SWT1: variants seen among roughly 807,000 people sequenced by gnomAD.
The protein encoded by SWT1 is SWT1 RNA endoribonuclease homolog.
A neutral mutation model predicts 107.3 loss-of-function variants in SWT1; 33 were observed. The ratio of observed to expected loss-of-function variants is 0.31; its 90% confidence interval spans 0.23 to 0.41. The LOEUF is 0.41. SWT1 is among the 10% of genes least tolerant of loss of function. SWT1 has a pLI of 1.00. For synonymous variants in SWT1, 345 were observed against 348.3 expected (o/e 0.99, Z 0.11); for missense variants, 898 against 1,028.9 (o/e 0.87, Z 1.74).
chr1:185,227,753 C>G (rs1239486464), intron 15 of SWT1: 1 of 445,364 alleles, frequency 2.2e-6, no homozygotes, highest in African/African-American at 2.1e-5. Flanking sequence ...GCAGGCCCAG[C>G]AGCTCTAGCG....
intron 15 of SWT1, among the ~76,000 whole-genome samples, chr1:185,231,370 G>A (rs1660494238): frequency 6.6e-6 from 1 of 152,110 alleles, no homozygotes; most frequent in South Asian, 2.1e-4. Flanking sequence ...GATTAGACCT[G>A]TATAGTGTCT....
chr1:185,256,744 G>A (rs903795555), intron 16 of SWT1, among the ~76,000 whole-genome samples: 13 of 151,666 alleles, frequency 8.6e-5, no homozygotes, highest in Non-Finnish European at 2.9e-5. Context: ...CCGTAGCTCA[G>A]AGTAATTTGA....
chr1:185,183,938 C>T (rs1309734141), intron 7 of SWT1, among the ~76,000 whole-genome samples: 1 of 152,166 alleles, frequency 6.6e-6, no homozygotes, highest in East Asian at 1.9e-4. Context: ...CTTTGCCAAC[C>T]CTTACCTTCT....
intron 16 of SWT1, among the ~76,000 whole-genome samples, chr1:185,256,966 C>A (rs185619836): frequency 4.6e-5 from 7 of 152,122 alleles, no homozygotes; most frequent in South Asian, 2.1e-4. Flanking sequence ...TTTGATGTGG[C>A]TGTCCTTTCT....
At chr1:185,244,715 A>T (rs1038089379) in intron 16 of SWT1, among the ~76,000 whole-genome samples, 1 of 152,212 alleles carries the variant, frequency 6.6e-6, no homozygotes, top group African/African-American at 2.4e-5. Flanking sequence ...TTAGGTTGTT[A>T]TAACTTTTTA....
At chr1:185,248,812 G>GT (rs1661797719) in intron 16 of SWT1, among the ~76,000 whole-genome samples, 1 of 148,744 alleles carries the variant, frequency 6.7e-6, no homozygotes, top group African/African-American at 2.5e-5. Context: ...CAGTTCAGCA[G>GT]TTTTTTATGC....
intron 15 of SWT1, among the ~76,000 whole-genome samples, chr1:185,230,584 A>C (rs1434888652): frequency 6.6e-6 from 1 of 152,190 alleles, no homozygotes; most frequent in Non-Finnish European, 1.5e-5. Context: ...GGGTGAATAT[A>C]TGAATTATGG....
intron 6 of SWT1, among the ~76,000 whole-genome samples, chr1:185,181,182 T>A (rs994116468): frequency 1.3e-5 from 2 of 152,126 alleles, no homozygotes; most frequent in African/African-American, 2.4e-5. Context: ...GCAGGAGACT[T>A]ACTGGAGCCC....
intron 11 of SWT1, among the ~76,000 whole-genome samples, chr1:185,204,058 C>T (rs563887093): frequency 7.9e-5 from 12 of 152,098 alleles, no homozygotes; most frequent in African/African-American, 2.6e-4. Flanking sequence ...GAAGTGATAT[C>T]ACTTAAAATA....
rs567079455 is a variant in SWT1 at position 185,186,795 on chromosome 1, C to T, written c.1429+1864C>T. Among the ~76,000 whole-genome samples, 302 of 151,656 alleles carry T rather than the reference C, an allele frequency of 2.0e-3. 4 individuals carry two copies. In the South Asian group the frequency reaches 0.03, roughly 15 times the overall value. On this transcript the variant is annotated intron_variant, in intron 9 of 18. Transcript: ENST00000367500. ...TTAAGATGGAGTCTCGCTCCCGTCA[C>T]GCAGGCTGGAGTGCAGTGGCATGAT... is the stretch of plus-strand genomic sequence containing the variant.
At chr1:185,182,469 A>G (rs1656097259) in intron 7 of SWT1, among the ~76,000 whole-genome samples, 1 of 152,006 alleles carries the variant, frequency 6.6e-6, no homozygotes, top group African/African-American at 2.4e-5. Context: ...GGAGTTCAAG[A>G]CCAGCCTGGG....
rs1665237188 is a variant in SWT1 at position 185,291,308 on chromosome 1, A to G, written c.*505A>G. 6.6e-6 allele frequency: 1 copy of G among 152,632 alleles called. No homozygotes were observed. The highest frequency in any genetic ancestry group is 1.5e-5 in the Non-Finnish European group (1 of 68,052). 9.5% of individuals were successfully genotyped at this position (152,632 alleles called of 1,614,324 possible). On this transcript the variant is annotated 3_prime_UTR_variant, in exon 19 of 19. Transcript: ENST00000367500. ...TGTCATCCATGTTGACCTGATGAAA[A>G]TAACACCCTCCTTCACCTCCCTCAG...
chr1:185,219,442 T>TA (rs1362621196), intron 14 of SWT1, among the ~76,000 whole-genome samples: 2 of 152,194 alleles, frequency 1.3e-5, no homozygotes, highest in Non-Finnish European at 2.9e-5. Flanking sequence ...TATTAACTGT[T>TA]ACTACTGATA....
intron 15 of SWT1, chr1:185,226,928 C>A (rs559891918): frequency 8.9e-7 from 1 of 1,119,540 alleles, no homozygotes; most frequent in African/African-American, 1.6e-5. Context: ...CTTCTTTCTG[C>A]GGCGTCTTTT....
chr1:185,260,579 C>T (rs1039471984), intron 16 of SWT1, among the ~76,000 whole-genome samples: 7 of 151,928 alleles, frequency 4.6e-5, no homozygotes, highest in Non-Finnish European at 7.4e-5. Context: ...GTGAATTTGG[C>T]GGTGGCAGTT....
intron 9 of SWT1, among the ~76,000 whole-genome samples, chr1:185,187,777 C>T (rs750931933): frequency 3.3e-5 from 5 of 152,086 alleles, no homozygotes; most frequent in Non-Finnish European, 5.9e-5. Flanking sequence ...CTCCGCCTCC[C>T]GGCCTCAAGT....
At chr1:185,208,522 A>C (rs1435366858) in intron 13 of SWT1, among the ~76,000 whole-genome samples, 2 of 152,200 alleles carry the variant, frequency 1.3e-5, no homozygotes, top group African/African-American at 4.8e-5. Flanking sequence ...TCACAAAGAA[A>C]TGATAAATGC....
intron 16 of SWT1, chr1:185,257,930 G>A (rs1454112566): frequency 1.3e-5 from 2 of 152,126 alleles, no homozygotes; most frequent in Non-Finnish European, 2.9e-5. Flanking sequence ...GTCAAGTGAA[G>A]CAGTGGGAGT....
At chr1:185,190,109 A>G (rs1302374158) in intron 9 of SWT1, among the ~76,000 whole-genome samples, 1 of 152,202 alleles carries the variant, frequency 6.6e-6, no homozygotes, top group African/African-American at 2.4e-5. Context: ...CGGCCTCCCA[A>G]AGTGCTGGGA....
Sources: allele counts gnomAD v4.1 joint callset (sites outside exome capture counted in the v4.1 genomes callset), GRCh38; gene constraint gnomAD v4.1.1; transcripts MANE v1.5; gene names NCBI Gene and HGNC (gene_info 2026-07-23, HGNC 2026-07-21).